Variants in ADAMTSL1 observed in about 807,000 individuals in gnomAD.
ADAMTSL1 encodes ADAMTS like 1.
ADAMTSL1 carries 126 observed loss-of-function variants against 201.8 expected under a neutral mutation model. The observed-to-expected ratio is 0.62, with a 90% CI of 0.54 to 0.72. ADAMTSL1 has a LOEUF of 0.72. ADAMTSL1 is among the 30% of genes least tolerant of loss of function. The probability of loss-of-function intolerance (pLI) is 0.00; values close to 1 mark genes in which losing one functional copy is unlikely to be tolerated. For synonymous variants in ADAMTSL1, 1,121 were observed against 903.4 expected (o/e 1.24, Z -4.32); for missense variants, 2,679 against 2,277.8 (o/e 1.18, Z -3.59).
intron 3 of ADAMTSL1, among the ~76,000 whole-genome samples, chr9:18,548,018 G>A (rs1030512667): frequency 1.3e-5 from 2 of 151,698 alleles, no homozygotes; most frequent in African/African-American, 4.8e-5. Flanking sequence ...CAAAATTAAC[G>A]TTCACACCAG....
At chr9:17,915,818 C>G (rs548180495) in intron 1 of ADAMTSL1, among the ~76,000 whole-genome samples, 40 of 152,256 alleles carry the variant, frequency 2.6e-4, no homozygotes, top group Non-Finnish European at 4.4e-4. Context: ...TGTTTTCATA[C>G]GTTTAGAATC....
chr9:18,361,480 G>A (rs1836516550), intron 2 of ADAMTSL1, among the ~76,000 whole-genome samples: 1 of 152,126 alleles, frequency 6.6e-6, no homozygotes, highest in South Asian at 2.1e-4. Context: ...ATGGCTGCAG[G>A]CTTTGGGGGG....
At chr9:18,097,848 C>G (rs1824322084) in intron 1 of ADAMTSL1, among the ~76,000 whole-genome samples, 1 of 151,138 alleles carries the variant, frequency 6.6e-6, no homozygotes, top group Non-Finnish European at 1.5e-5. Context: ...TCACTTTTTT[C>G]TCTTTTATGG....
chr9:18,275,076 C>T (rs1419425763), intron 2 of ADAMTSL1, among the ~76,000 whole-genome samples: 1 of 152,126 alleles, frequency 6.6e-6, no homozygotes, highest in African/African-American at 2.4e-5. Context: ...GACAATACAT[C>T]TTTTGTCCAT....
At chr9:18,734,699 T>C (rs2133503358) in intron 15 of ADAMTSL1, among the ~76,000 whole-genome samples, 1 of 152,328 alleles carries the variant, frequency 6.6e-6, no homozygotes, top group African/African-American at 2.4e-5. Flanking sequence ...GAAGGTGACC[T>C]TGAGAAGGTA....
At chr9:18,052,187 A>T (rs1029424871) in intron 1 of ADAMTSL1, among the ~76,000 whole-genome samples, 2 of 152,250 alleles carry the variant, frequency 1.3e-5, no homozygotes, top group African/African-American at 4.8e-5. Flanking sequence ...TCCAATAATT[A>T]CCTTTGCAGA....
chr9:18,578,558 T>C (rs576556665), intron 4 of ADAMTSL1, among the ~76,000 whole-genome samples: 1 of 152,378 alleles, frequency 6.6e-6, no homozygotes, highest in African/African-American at 2.4e-5. Flanking sequence ...CATTGGCATG[T>C]GCCTTTGAGC....
At chr9:18,261,012 CTTTTTTT>C (rs3085417) in intron 2 of ADAMTSL1, among the ~76,000 whole-genome samples, 2 of 104,232 alleles carry the variant, frequency 1.9e-5, no homozygotes, top group Non-Finnish European at 3.7e-5. Context: ...TTTCCTTTTT[CTTTTTTT>C]TTTTTTTTTG....
At chr9:18,284,477 C>T (rs1832920346) in intron 2 of ADAMTSL1, among the ~76,000 whole-genome samples, 1 of 152,014 alleles carries the variant, frequency 6.6e-6, no homozygotes, top group African/African-American at 2.4e-5. Flanking sequence ...CATGTTGCTT[C>T]ATCAGAATTA....
intron 2 of ADAMTSL1, among the ~76,000 whole-genome samples, chr9:18,289,667 G>T (rs1264932902): frequency 6.6e-6 from 1 of 152,184 alleles, no homozygotes; most frequent in Non-Finnish European, 1.5e-5. Flanking sequence ...TGATAGGTAT[G>T]ATCATGTTGA....
At chr9:18,529,472 G>A (rs1819302840) in intron 2 of ADAMTSL1, among the ~76,000 whole-genome samples, 1 of 152,086 alleles carries the variant, frequency 6.6e-6, no homozygotes, top group Non-Finnish European at 1.5e-5. Context: ...ACTTTTCTGT[G>A]TATGTAACTT....
At chr9:18,858,162 A>T (rs188558598) in intron 23 of ADAMTSL1, among the ~76,000 whole-genome samples, 1 of 144,932 alleles carries the variant, frequency 6.9e-6, no homozygotes, top group African/African-American at 2.6e-5. Flanking sequence ...TGTATGTCCA[A>T]CTCTTACCCA....
At chr9:18,180,629 T>C (rs1264414980) in intron 2 of ADAMTSL1, among the ~76,000 whole-genome samples, 1 of 144,508 alleles carries the variant, frequency 6.9e-6, no homozygotes, top group Non-Finnish European at 1.5e-5. Flanking sequence ...CTCAAGGAAA[T>C]AAAAGAGGAT....
At chr9:18,123,622 A>G (rs1825600925) in intron 1 of ADAMTSL1, among the ~76,000 whole-genome samples, 1 of 152,190 alleles carries the variant, frequency 6.6e-6, no homozygotes, top group African/African-American at 2.4e-5. Flanking sequence ...TATAATTTAC[A>G]TATCATAAGA....
chr9:18,499,414 A>G (rs1276607744), intron 1 of ADAMTSL1, among the ~76,000 whole-genome samples: 1 of 152,238 alleles, frequency 6.6e-6, no homozygotes, highest in African/African-American at 2.4e-5. Flanking sequence ...CCAAGTTGTT[A>G]AAGAAGCCAA....
At chr9:17,952,250 A>G (rs1410768495) in intron 1 of ADAMTSL1, among the ~76,000 whole-genome samples, 1 of 151,044 alleles carries the variant, frequency 6.6e-6, no homozygotes, top group Non-Finnish European at 1.5e-5. Flanking sequence ...CACTACTTCC[A>G]GCCTCATTTT....
intron 14 of ADAMTSL1, among the ~76,000 whole-genome samples, chr9:18,717,052 C>G (rs1181403652): frequency 7.2e-6 from 1 of 139,516 alleles, no homozygotes; most frequent in Non-Finnish European, 1.5e-5. Flanking sequence ...CACATGGACA[C>G]AGGAAGGGAA....
At position 18,739,899 on chromosome 9, in the gene ADAMTSL1, C is replaced by CTGTG. The variant is rs5896804; in HGVS notation, c.2007-13369_2007-13366dup. On this transcript the variant is annotated intron_variant, in intron 15 of 28. Transcript: ENST00000380548. Reference sequence around the variant, plus strand: ...GTATATGTGTGTACATGTCTACTATCTGTGTGTGTGTGTGTGTGTGTGTGT... The same window carrying CTGTG: ...GTATATGTGTGTACATGTCTACTATCTGTGTGTGTGTGTGTGTGTGTGTGTGTGT... 4.8e-3 allele frequency among the ~76,000 whole-genome samples: 715 copies of CTGTG among 148,222 alleles called. 7 individuals carry two copies. The highest frequency in any genetic ancestry group is 8.8e-3 in the African/African-American group (353 of 40,148).
intron 2 of ADAMTSL1, among the ~76,000 whole-genome samples, chr9:18,291,337 G>A (rs1046754597): frequency 1.3e-5 from 2 of 152,048 alleles, no homozygotes; most frequent in African/African-American, 4.8e-5. Flanking sequence ...ATATCAGATG[G>A]TTCCTCAGGG....
Sources: gnomAD v4.1 joint callset for allele counts (sites outside exome capture counted in the v4.1 genomes callset) on GRCh38, gnomAD v4.1.1 for gene constraint, MANE v1.5 for transcripts, NCBI Gene and HGNC (gene_info 2026-07-23, HGNC 2026-07-21) for gene names.